The following OR2L13 variants were observed in gnomAD, a reference collection of about 807,000 sequenced individuals.
OR2L13 encodes the protein olfactory receptor family 2 subfamily L member 13.
OR2L13 carries 14 observed loss-of-function variants against 15.3 expected under a neutral mutation model. That is an observed-to-expected ratio of 0.91 (90% CI 0.60 to 1.43). The LOEUF (loss-of-function observed/expected upper bound fraction) is 1.43, where lower values mean the gene tolerates loss of function less well. OR2L13 is among the 40% of genes most tolerant of loss of function. The probability of loss-of-function intolerance (pLI) is 0.00; values close to 1 mark genes in which losing one functional copy is unlikely to be tolerated. For missense variants in OR2L13, 367 were observed against 387.9 expected (o/e 0.95, Z 0.45); for synonymous variants, 152 against 142.9 (o/e 1.06, Z -0.45).
At chr1:247,950,667 T>C in the OR2L13 span, among the ~76,000 whole-genome samples, 4 of 152,130 alleles carry the variant, frequency 2.6e-5, no homozygotes, top group Admixed American at 2.6e-4. Context: ...AGATTTTGCA[T>C]GTTCTCACTC....
the OR2L13 span, among the ~76,000 whole-genome samples, chr1:248,026,269 G>T: frequency 6.6e-6 from 1 of 152,172 alleles, no homozygotes; most frequent in Non-Finnish European, 1.5e-5. Context: ...GAACAACGCG[G>T]ACTTGAACTG....
At chr1:247,958,988 A>T in the OR2L13 span, among the ~76,000 whole-genome samples, 4 of 152,144 alleles carry the variant, frequency 2.6e-5, no homozygotes, top group East Asian at 7.7e-4. Context: ...TGTCATTATG[A>T]TGTTAGCTGG....
the OR2L13 span, among the ~76,000 whole-genome samples, chr1:247,948,375 T>C: frequency 6.6e-6 from 1 of 152,214 alleles, no homozygotes; most frequent in African/African-American, 2.4e-5. Flanking sequence ...TGAGTTTGCG[T>C]CAGGCAGTAA....
the OR2L13 span, chr1:248,023,027 A>T: frequency 1.3e-6 from 1 of 762,296 alleles, no homozygotes; most frequent in Middle Eastern, 2.5e-4. Context: ...TAGTCTTGAC[A>T]TTATAGTTGC....
the OR2L13 span, chr1:247,991,053 A>T: frequency 6.4e-7 from 1 of 1,564,830 alleles, no homozygotes; most frequent in Non-Finnish European, 8.8e-7. Context: ...TACGCCCAAG[A>T]TCCCTGCGAT....
the OR2L13 span, among the ~76,000 whole-genome samples, chr1:247,978,318 A>G: frequency 2.6e-5 from 4 of 151,464 alleles, no homozygotes; most frequent in Admixed American, 6.6e-5. Context: ...GTCTGCTACC[A>G]CTCAATGGGT....
the OR2L13 span, among the ~76,000 whole-genome samples, chr1:248,050,082 A>G: frequency 6.6e-6 from 1 of 152,120 alleles, no homozygotes; most frequent in Non-Finnish European, 1.5e-5. Context: ...CCAGGTGCCA[A>G]TGTGTGGAGA....
the OR2L13 span, chr1:248,003,409 C>T: frequency 4.3e-6 from 7 of 1,609,940 alleles, no homozygotes; most frequent in African/African-American, 1.3e-5. Context: ...CTATCTCCTT[C>T]ACTGGGTGTG....
the OR2L13 span, chr1:247,965,761 C>T: frequency 6.3e-7 from 1 of 1,579,632 alleles, no homozygotes; most frequent in Non-Finnish European, 8.6e-7. Flanking sequence ...TATCTGTCAC[C>T]CTTTACATTA....
At chr1:248,001,531 TAAAAA>T in the OR2L13 span, among the ~76,000 whole-genome samples, 1 of 151,158 alleles carries the variant, frequency 6.6e-6, no homozygotes, top group Non-Finnish European at 1.5e-5. Flanking sequence ...TTTCTGTAAA[TAAAAA>T]AATAAAATAT....
chr1:247,980,376 A>G, the OR2L13 span, among the ~76,000 whole-genome samples: 1 of 152,194 alleles, frequency 6.6e-6, no homozygotes, highest in Non-Finnish European at 1.5e-5. Flanking sequence ...ACATAGTTCC[A>G]CTTTTATGTT....
At chr1:247,941,883 C>G in the OR2L13 span, among the ~76,000 whole-genome samples, 2 of 152,120 alleles carry the variant, frequency 1.3e-5, no homozygotes, top group Non-Finnish European at 2.9e-5. Context: ...TGGCATGGAG[C>G]CTTCCTAGTG....
the OR2L13 span, among the ~76,000 whole-genome samples, chr1:247,947,779 C>G: frequency 1.3e-5 from 2 of 152,146 alleles, no homozygotes; most frequent in Non-Finnish European, 2.9e-5. Flanking sequence ...AGGGACATAG[C>G]AATAAGGATT....
chr1:247,984,028 G>C, the OR2L13 span, among the ~76,000 whole-genome samples: 1 of 152,112 alleles, frequency 6.6e-6, no homozygotes, highest in African/African-American at 2.4e-5. Context: ...GCAGAGCTGT[G>C]TTGTAAATTG....
chr1:247,949,257 C>T, the OR2L13 span: 32 of 1,614,180 alleles, frequency 2.0e-5, no homozygotes, highest in Admixed American at 3.3e-5. Flanking sequence ...CTATCTCATC[C>T]GCATGAGCAA....
the OR2L13 span, among the ~76,000 whole-genome samples, chr1:248,085,418 T>TAATAAAATAAAATAAAATAA: frequency 7.2e-5 from 2 of 27,590 alleles, 1 homozygote; most frequent in African/African-American, 1.2e-4. Context: ...TAAAATAAAA[T>TAATAAAATAAAATAAAATAA]AATAAAATAA....
the OR2L13 span, among the ~76,000 whole-genome samples, chr1:248,007,403 C>T: frequency 6.6e-6 from 1 of 152,198 alleles, no homozygotes; most frequent in African/African-American, 2.4e-5. Flanking sequence ...AAGCAATAAG[C>T]TAGTCCCCTC....
At chr1:247,948,608 TA>T in the OR2L13 span, among the ~76,000 whole-genome samples, 1 of 152,246 alleles carries the variant, frequency 6.6e-6, no homozygotes, top group Non-Finnish European at 1.5e-5. Flanking sequence ...CACATATTTA[TA>T]GTATACTGTA....
the OR2L13 span, among the ~76,000 whole-genome samples, chr1:248,006,245 G>C: frequency 2.8e-5 from 1 of 36,132 alleles, no homozygotes; most frequent in South Asian, 4.4e-4. Flanking sequence ...TGCAAGATAT[G>C]TGTGTGTGTG....
Sources: gnomAD v4.1 joint callset for allele counts (sites outside exome capture counted in the v4.1 genomes callset) on GRCh38, gnomAD v4.1.1 for gene constraint, MANE v1.5 for transcripts, NCBI Gene and HGNC (gene_info 2026-07-23, HGNC 2026-07-21) for gene names.